ARHGEF10L: variants seen among roughly 807,000 people sequenced by gnomAD.
ARHGEF10L encodes rho guanine nucleotide exchange factor 10-like protein.
A neutral mutation model predicts 141.2 loss-of-function variants in ARHGEF10L; 69 were observed. That is an observed-to-expected ratio of 0.49 (90% CI 0.40 to 0.60). The LOEUF (loss-of-function observed/expected upper bound fraction) is 0.60. ARHGEF10L is among the 20% of genes least tolerant of loss of function. The pLI, the probability that ARHGEF10L is intolerant of heterozygous loss-of-function variation, is 0.00. For missense variants in ARHGEF10L, 1,482 were observed against 1,734.3 expected (o/e 0.85, Z 2.58); for synonymous variants, 711 against 718.5 (o/e 0.99, Z 0.17).
intron 1 of ARHGEF10L, among the ~76,000 whole-genome samples, chr1:17,546,685 G>A (rs6671032): frequency 0.015 from 2,241 of 152,194 alleles, 65 homozygotes; most frequent in African/African-American, 0.051. Context: ...TTCTTAGTTC[G>A]GAGTTAATGT....
the ARHGEF10L span, among the ~76,000 whole-genome samples, chr1:17,515,834 G>C: frequency 1.2e-4 from 18 of 152,054 alleles, no homozygotes; most frequent in African/African-American, 1.7e-4. Context: ...GTAGAGACAG[G>C]GTTCTGCATG....
In ARHGEF10L at chr1:17,573,155, C is replaced by T. The variant is rs1471583189; in HGVS notation, c.-43-7398C>T. The stretch of plus-strand genomic sequence containing the variant: ...TGGGGGGCTTTGGGTAGGTCCCTTC[C>T]CATCTGAGCCTCAGCTTCCCTGTGT... On this transcript the variant is annotated intron_variant, in intron 1 of 28. Transcript: ENST00000361221. The surrounding 1 kb of genome is among the most constrained non-coding windows in gnomAD (Gnocchi z 4.8). Among the ~76,000 whole-genome samples the T allele has an allele frequency of 6.6e-6, 1 of 152,156 alleles. No individual in the cohort carries two copies. The highest frequency in any genetic ancestry group is 6.5e-5 in the Admixed American group (1 of 15,288).
At position 17,623,113 on chromosome 1, in the gene ARHGEF10L, C is replaced by T; in HGVS notation, c.1138C>T (p.Leu380=). Residue 380 remains leucine (L), a synonymous_variant, in exon 12 of 29, where the codon CTG becomes TTG. Transcript: ENST00000361221. This position sits in a 1 kb window ranked among gnomAD's most constrained non-coding sequence, Gnocchi z 4.7. ...CTGCCACTCCATGTTCCAGATCGCC[C>T]TGTCCTCCCGCGTGGCTGAGTGGGA... ...LHCHSMFQIA[L]SSRVAEWDST... 2 of 1,614,204 alleles carry T rather than the reference C, an allele frequency of 1.2e-6. No individual in the cohort carries two copies. The highest frequency in any genetic ancestry group is 2.2e-5 in the East Asian group (1 of 44,868).
chr1:17,638,127 G>T, intron 19 of ARHGEF10L, 124 bp downstream of exon 19: 1 of 873,724 alleles, frequency 1.1e-6, no homozygotes, highest in Non-Finnish European at 1.7e-6. Context: ...CCTAGCTTCT[G>T]AGCTCCTGTT....
At chr1:17,692,381 T>A (rs2065170109) in intron 27 of ARHGEF10L, among the ~76,000 whole-genome samples, 2 of 152,266 alleles carry the variant, frequency 1.3e-5, no homozygotes, top group South Asian at 2.1e-4. Context: ...GTCTAATTTG[T>A]GTCTCAGACC....
rs1450102934 is a variant in ARHGEF10L, at chr1:17,558,250, C to T, written c.-44+18300C>T. Among the ~76,000 whole-genome samples, 2 of 152,190 alleles carry T rather than the reference C, an allele frequency of 1.3e-5. No homozygotes were observed. The highest frequency in any genetic ancestry group is 4.8e-5 in the African/African-American group (2 of 41,440). On this transcript the variant is annotated intron_variant, in intron 1 of 28. Coordinates refer to ENST00000361221, the MANE Select transcript of ARHGEF10L (RefSeq NM_018125.4). This position sits in a 1 kb window ranked among gnomAD's most constrained non-coding sequence, Gnocchi z 4.2. ...CCATTCATCCATTTATCTACCCATC[C>T]ACCTACTCATTCATTCATCTATCCA... is the stretch of plus-strand genomic sequence containing the variant.
intron 27 of ARHGEF10L, chr1:17,694,955 G>A (rs2102605959): frequency 1.3e-6 from 1 of 747,558 alleles, no homozygotes; most frequent in South Asian, 1.4e-5. Flanking sequence ...GGCTGGTTAG[G>A]GGAGTGCTCA....
Position 17,619,211 on chromosome 1 carries a change from C to A in ARHGEF10L, c.836-128C>A, listed in dbSNP as rs1243929322. 4 of 849,072 alleles carry A rather than the reference C, an allele frequency of 4.7e-6. No individual in the cohort carries two copies. Among genetic ancestry groups the A allele is most frequent in the Non-Finnish European group, 5.6e-6 (3 of 534,914 alleles). The allele number at this position is 849,072 out of a possible 1,614,324, so 52.6% of individuals were successfully genotyped here. A position where few individuals can be genotyped will look rare whatever the true frequency, so the allele number is the denominator to read the frequency against. ...ACCGGGCGGCTCTAACCCCACGGGGCCCCAGGAGCTGCTTGCACCCTAGGA... is the reference window on the plus strand; with the variant it reads ...ACCGGGCGGCTCTAACCCCACGGGGACCCAGGAGCTGCTTGCACCCTAGGA... On this transcript the variant is annotated intron_variant, in intron 9 of 28. Coordinates refer to ENST00000361221, the MANE Select transcript of ARHGEF10L (RefSeq NM_018125.4). The surrounding 1 kb of genome is among the most constrained non-coding windows in gnomAD (Gnocchi z 5.0).
At chr1:17,686,102 C>G (rs554584099) in intron 26 of ARHGEF10L, among the ~76,000 whole-genome samples, 1 of 135,826 alleles carries the variant, frequency 7.4e-6, no homozygotes, top group East Asian at 2.0e-4. Context: ...TTCTTTCTTT[C>G]TTTCTTTTTT....
intron 25 of ARHGEF10L, among the ~76,000 whole-genome samples, chr1:17,657,826 T>TGTGA (rs1344838513): frequency 6.6e-6 from 1 of 152,202 alleles, no homozygotes; most frequent in East Asian, 1.9e-4. Context: ...CACGGAACAC[T>TGTGA]GTGAGCCCGG....
rs149926301 is a variant in ARHGEF10L at position 17,694,411 on chromosome 1, G to T, written c.3185-747G>T. The stretch of plus-strand genomic sequence containing the variant: ...CTCTGGAGCCCTGTTCTCAGCCACC[G>T]TGCTGGGCAGCCCACACCTGGCATC... On this transcript the variant is annotated intron_variant, in intron 27 of 28. Transcript: ENST00000361221. 1,092 of 160,832 alleles carry T rather than the reference G, an allele frequency of 6.8e-3. 3 individuals carry two copies. Among genetic ancestry groups the T allele is most frequent in the Non-Finnish European group, 0.01 (748 of 72,870 alleles). 10.0% of individuals were successfully genotyped at this position (160,832 alleles called of 1,614,324 possible). A position where few individuals can be genotyped will look rare whatever the true frequency, so the allele number is the denominator to read the frequency against.
chr1:17,694,937 G>A lies in ARHGEF10L; in HGVS notation c.3185-221G>A, dbSNP rs1466396735. On this transcript the variant is annotated intron_variant, in intron 27 of 28. Coordinates refer to ENST00000361221, the MANE Select transcript of ARHGEF10L (RefSeq NM_018125.4). The stretch of plus-strand genomic sequence containing the variant: ...ATGGCAGCCCCACTTTACACAGGCG[G>A]AAACTGAGGCTGGTTAGGGGAGTGC... 9 of 708,758 alleles carry A rather than the reference G, an allele frequency of 1.3e-5. No homozygotes were observed. In the East Asian group the frequency reaches 2.5e-4, roughly 19 times the overall value. The allele number at this position is 708,758 out of a possible 1,614,324, so 43.9% of individuals were successfully genotyped here.
intron 13 of ARHGEF10L, among the ~76,000 whole-genome samples, chr1:17,624,774 C>T (rs2060290470): frequency 1.3e-5 from 2 of 152,196 alleles, no homozygotes; most frequent in South Asian, 4.1e-4. Flanking sequence ...GACCCTTTGC[C>T]TCCTGTGCCC....
At chr1:17,544,778 T>G (rs1022593990) in intron 1 of ARHGEF10L, among the ~76,000 whole-genome samples, 6 of 152,108 alleles carry the variant, frequency 3.9e-5, no homozygotes, top group African/African-American at 1.4e-4. Flanking sequence ...CTAGGTAATT[T>G]GTAAAGAAAA....
intron 2 of ARHGEF10L, among the ~76,000 whole-genome samples, chr1:17,581,050 C>A (rs2078501414): frequency 6.6e-6 from 1 of 152,078 alleles, no homozygotes; most frequent in African/African-American, 2.4e-5. Context: ...CATGGTGTCT[C>A]ATGCCTGTAA....
chr1:17,546,584 G>A (rs376294329), intron 1 of ARHGEF10L, among the ~76,000 whole-genome samples: 2 of 152,132 alleles, frequency 1.3e-5, no homozygotes, highest in Non-Finnish European at 2.9e-5. Context: ...CTGCAGTCCC[G>A]TGCTCCCCTC....
intron 6 of ARHGEF10L, among the ~76,000 whole-genome samples, chr1:17,604,186 C>A (rs1214823913): frequency 6.6e-6 from 1 of 152,006 alleles, no homozygotes; most frequent in African/African-American, 2.4e-5. Flanking sequence ...TGGGATGTTA[C>A]CTTCTCATTT....
At chr1:17,520,638 G>A in the ARHGEF10L span, among the ~76,000 whole-genome samples, 1 of 152,214 alleles carries the variant, frequency 6.6e-6, no homozygotes. Flanking sequence ...TGGACTCTGT[G>A]AGGAGAACCG....
At position 17,621,713 on chromosome 1, in the gene ARHGEF10L, G is replaced by A; in HGVS notation, c.943-151G>A. The A allele has an allele frequency of 1.4e-6, 1 of 694,096 alleles. No homozygotes were observed. Among genetic ancestry groups the A allele is most frequent in the South Asian group, 1.7e-5 (1 of 59,874 alleles). 43.0% of individuals were successfully genotyped at this position (694,096 alleles called of 1,614,324 possible). Reference sequence around the variant, plus strand: ...TTATTTAGGGTTGGCAGGGGCTCTGGAAGGAAGAGTGGCCACCAGGCCCAG... The same window carrying A: ...TTATTTAGGGTTGGCAGGGGCTCTGAAAGGAAGAGTGGCCACCAGGCCCAG... On this transcript the variant is annotated intron_variant, in intron 10 of 28. Transcript: ENST00000361221. The surrounding 1 kb of genome is among the most constrained non-coding windows in gnomAD (Gnocchi z 4.1).
Sources: allele counts gnomAD v4.1 joint callset (sites outside exome capture counted in the v4.1 genomes callset), GRCh38; gene constraint gnomAD v4.1.1; non-coding constraint Gnocchi (gnomAD v3.1); transcripts MANE v1.5; gene names NCBI Gene and HGNC (gene_info 2026-07-23, HGNC 2026-07-21).